Variants in STK33 observed in about 807,000 individuals in gnomAD.
The protein encoded by STK33 is serine/threonine kinase 33.
A neutral mutation model predicts 58.0 loss-of-function variants in STK33; 52 were observed. The observed-to-expected ratio is 0.90, with a 90% CI of 0.72 to 1.13. The LOEUF (loss-of-function observed/expected upper bound fraction) is 1.13. Ranked by LOEUF, STK33 falls within the 50% of genes most tolerant of loss-of-function variation. The probability of loss-of-function intolerance (pLI) is 0.00; values close to 1 mark genes in which losing one functional copy is unlikely to be tolerated. For missense variants in STK33, 630 were observed against 604.2 expected, an observed-to-expected ratio of 1.04 and a Z score of -0.45; for synonymous variants, 215 against 200.1, an observed-to-expected ratio of 1.07 and a Z score of -0.63.
the STK33 span, among the ~76,000 whole-genome samples, chr11:8,367,437 T>C: frequency 6.6e-5 from 10 of 152,340 alleles, no homozygotes; most frequent in East Asian, 1.9e-3. Context: ...CACAGGCTCC[T>C]CTCTGCTTCT....
At chr11:8,556,073 G>A (rs1956725237) in intron 1 of STK33, among the ~76,000 whole-genome samples, 1 of 152,188 alleles carries the variant, frequency 6.6e-6, no homozygotes, top group Admixed American at 6.5e-5. Context: ...GGGCACATAA[G>A]AAAGCACCCA....
At chr11:8,493,039 T>C (rs1249508349) in intron 1 of STK33, among the ~76,000 whole-genome samples, 2 of 151,826 alleles carry the variant, frequency 1.3e-5, no homozygotes, top group Non-Finnish European at 2.9e-5. Context: ...TTAAAAGAAC[T>C]AGAGAAGCAA....
chr11:8,552,635 C>A (rs1289857869), intron 1 of STK33, among the ~76,000 whole-genome samples: 1 of 151,936 alleles, frequency 6.6e-6, no homozygotes, highest in African/African-American at 2.4e-5. Context: ...CACATACACA[C>A]ACATTAGTCT....
intron 15 of STK33, among the ~76,000 whole-genome samples, chr11:8,395,071 G>A (rs957690109): frequency 6.6e-6 from 1 of 152,182 alleles, no homozygotes; most frequent in African/African-American, 2.4e-5. Flanking sequence ...GGATGTGGTT[G>A]TCATTCCACT....
At chr11:8,456,864 A>G (rs1946919150) in intron 9 of STK33, among the ~76,000 whole-genome samples, 1 of 152,192 alleles carries the variant, frequency 6.6e-6, no homozygotes, top group African/African-American at 2.4e-5. Context: ...TGTCAATGCA[A>G]TATATCAATC....
chr11:8,361,899 G>A, the STK33 span, among the ~76,000 whole-genome samples: 5 of 152,196 alleles, frequency 3.3e-5, no homozygotes, highest in Non-Finnish European at 7.3e-5. This position sits in a 1 kb window ranked among gnomAD's most constrained non-coding sequence, Gnocchi z 4.8. Flanking sequence ...GCTCACGCGG[G>A]CCCATGGCCA....
intron 1 of STK33, among the ~76,000 whole-genome samples, chr11:8,579,400 C>T (rs113131951): frequency 6.6e-6 from 1 of 151,968 alleles, no homozygotes; most frequent in Non-Finnish European, 1.5e-5. Context: ...TACTTTAGTT[C>T]AATTCCTAGA....
At chr11:8,514,451 T>C (rs556821511) in intron 1 of STK33, among the ~76,000 whole-genome samples, 7 of 152,302 alleles carry the variant, frequency 4.6e-5, no homozygotes, top group African/African-American at 1.7e-4. Context: ...TAGATTCTAT[T>C]TGGAGATGCT....
chr11:8,554,246 C>T (rs954893207), intron 1 of STK33, among the ~76,000 whole-genome samples: 2 of 151,568 alleles, frequency 1.3e-5, no homozygotes, highest in Admixed American at 6.6e-5. Context: ...AGTGAAACCC[C>T]GTCTCTATTA....
At chr11:8,440,438 A>C (rs961395066) in intron 12 of STK33, among the ~76,000 whole-genome samples, 12 of 152,154 alleles carry the variant, frequency 7.9e-5, no homozygotes, top group African/African-American at 2.9e-4. Context: ...CTCAGATCAT[A>C]TTGTTGTATT....
chr11:8,442,384 T>C (rs1316720168), intron 11 of STK33, among the ~76,000 whole-genome samples: 4 of 152,202 alleles, frequency 2.6e-5, no homozygotes, highest in Non-Finnish European at 4.4e-5. Flanking sequence ...TCCACACTGG[T>C]GCAGCACACA....
At chr11:8,455,643 C>A (rs991810097) in intron 9 of STK33, among the ~76,000 whole-genome samples, 4 of 128,786 alleles carry the variant, frequency 3.1e-5, no homozygotes, top group Non-Finnish European at 5.1e-5. Flanking sequence ...CCCATCTCTA[C>A]TAAAAATACA....
rs537692609 is a variant in STK33, at chr11:8,492,696, A to G, written c.-465-12082T>C. Among the ~76,000 whole-genome samples, 15 of 152,316 alleles carry G rather than the reference A, an allele frequency of 9.8e-5. No individual in the cohort carries two copies. The South Asian group carries it at 3.1e-3, about 32-fold the overall frequency. On this transcript the variant is annotated intron_variant, in intron 1 of 15. Transcript: ENST00000687296. ...TTCCAAAATTGACCACATAGTTGGA[A>G]GCAAAGCTCTCCTCAGCAAATGTAA...
At chr11:8,583,251 A>G (rs4929950) in intron 1 of STK33, among the ~76,000 whole-genome samples, 91,689 of 151,878 alleles carry the variant, frequency 0.6, 27,962 homozygotes, top group African/African-American at 0.66. Flanking sequence ...ACCCCAACAC[A>G]CTCACCTGTC....
At chr11:8,463,014 A>T (rs1947756056) in intron 7 of STK33, among the ~76,000 whole-genome samples, 2 of 152,156 alleles carry the variant, frequency 1.3e-5, no homozygotes, top group Non-Finnish European at 2.9e-5. Flanking sequence ...GATTAGTCAT[A>T]AGGCAAATTT....
chr11:8,560,924 G>A (rs1052821823), intron 1 of STK33, among the ~76,000 whole-genome samples: 1 of 152,098 alleles, frequency 6.6e-6, no homozygotes, highest in African/African-American at 2.4e-5. Flanking sequence ...ATCAACTACA[G>A]GCTGTTATCT....
chr11:8,455,766 G>A (rs889854759), intron 9 of STK33, among the ~76,000 whole-genome samples: 1 of 135,678 alleles, frequency 7.4e-6, no homozygotes, highest in Admixed American at 8.4e-5. Flanking sequence ...AGCCGAGATC[G>A]TGTCACTGCA....
At chr11:8,507,090 A>C (rs141362040) in intron 1 of STK33, among the ~76,000 whole-genome samples, 65 of 152,322 alleles carry the variant, frequency 4.3e-4, no homozygotes, top group African/African-American at 1.3e-3. Context: ...ATGAAAATTC[A>C]GTCCATTTTC....
chr11:8,403,766 A>C (rs1263771654), intron 15 of STK33, among the ~76,000 whole-genome samples: 4 of 152,188 alleles, frequency 2.6e-5, no homozygotes, highest in Non-Finnish European at 1.5e-5. Flanking sequence ...GTGCAAGGGG[A>C]GATATGTAAC....
Sources: gnomAD v4.1 joint callset for allele counts (sites outside exome capture counted in the v4.1 genomes callset) on GRCh38, gnomAD v4.1.1 for gene constraint, Gnocchi (gnomAD v3.1) non-coding constraint, MANE v1.5 for transcripts, NCBI Gene and HGNC (gene_info 2026-07-23, HGNC 2026-07-21) for gene names.